Variants in KCNV1 observed in about 807,000 individuals in gnomAD.
The protein encoded by KCNV1 is potassium voltage-gated channel subfamily V member 1.
In KCNV1, 2 loss-of-function variants were observed where a neutral mutation model predicts 36.4. That is an observed-to-expected ratio of 0.05 (90% CI 0.02 to 0.17). The LOEUF (loss-of-function observed/expected upper bound fraction) is 0.17. KCNV1 is among the 10% of genes least tolerant of loss of function. The probability of loss-of-function intolerance (pLI) is 1.00; values close to 1 mark genes in which losing one functional copy is unlikely to be tolerated. For synonymous variants in KCNV1, 280 were observed against 261.1 expected (o/e 1.07, Z -0.70); for missense variants, 321 against 643.6 (o/e 0.50, Z 5.42).
rs1170391179 is a variant in KCNV1 at position 109,974,540 on chromosome 8, C to CCTCCTGCCGCTAGGGAGCCGGGCA, written c.-153_-152insTGCCCGGCTCCCTAGCGGCAGGAG. ...ACCTCTCCTTGGCGCACCCTCTCCA[C>CCTCCTGCCGCTAGGGAGCCGGGCA]CCGCTGTGCGCCTTCCTCCTCCTGC... On this transcript the variant is annotated 5_prime_UTR_variant, in exon 2 of 4. Coordinates refer to ENST00000524391, the MANE Select transcript of KCNV1 (RefSeq NM_014379.4). The surrounding 1 kb of genome is among the most constrained non-coding windows in gnomAD (Gnocchi z 6.2). 11 of 613,162 alleles carry CCTCCTGCCGCTAGGGAGCCGGGCA rather than the reference C, an allele frequency of 1.8e-5. No individual in the cohort carries two copies. In the African/African-American group the frequency reaches 1.8e-4, roughly 10 times the overall value. 38.0% of individuals were successfully genotyped at this position (613,162 alleles called of 1,614,324 possible).
chr8:109,972,112 A>G lies in KCNV1; in HGVS notation c.991+146T>C, dbSNP rs763413323. 2.3e-5 allele frequency: 18 copies of G among 794,936 alleles called. No individual in the cohort carries two copies. In the South Asian group the frequency reaches 2.5e-4, roughly 11 times the overall value. The allele number at this position is 794,936 out of a possible 1,614,324, so 49.2% of individuals were successfully genotyped here. On this transcript the variant is annotated intron_variant, in intron 3 of 3. Coordinates refer to ENST00000524391, the MANE Select transcript of KCNV1 (RefSeq NM_014379.4). This position sits in a 1 kb window ranked among gnomAD's most constrained non-coding sequence, Gnocchi z 5.2. ...AGCAACTTCAATGTTTTGCCTCCCA[A>G]TATCTCCTTAGAGGTCATGATCAGG...
intron 3 of KCNV1, among the ~76,000 whole-genome samples, chr8:109,970,988 A>T (rs1057261998): frequency 6.6e-6 from 1 of 152,222 alleles, no homozygotes; most frequent in Non-Finnish European, 1.5e-5. Flanking sequence ...AAATTATATT[A>T]TAATAAGTTC....
rs1587137420 is a variant in KCNV1, at chr8:109,972,737, G to A, written c.512C>T (p.Thr171Ile). 2 of 1,613,704 alleles carry A rather than the reference G, an allele frequency of 1.2e-6. No individual in the cohort carries two copies. Among genetic ancestry groups the A allele is most frequent in the Non-Finnish European group, 1.7e-6 (2 of 1,179,876 alleles). The change falls in exon 3 of 4, where the codon ACA (threonine) becomes ATA (isoleucine). Residue 171 changes from threonine to isoleucine, a missense_variant. Transcript: ENST00000524391. The surrounding 1 kb of genome is among the most constrained non-coding windows in gnomAD (Gnocchi z 5.2). ...CTCATGTTGACTTTCCTGGTCTTCT[G>A]TGTCCTTCTTGAAGTCTAAAGTTTC... The part of the protein sequence containing the change: ...LSETLDFKKD[T>I]EDQESQHESE...
chr8:109,975,382 G>A (rs750085276), intron 1 of KCNV1, among the ~76,000 whole-genome samples, 190 bp from the exon 2 acceptor site: 1 of 152,140 alleles, frequency 6.6e-6, no homozygotes, highest in Admixed American at 6.5e-5. Context: ...GGTGTTCTGA[G>A]CACAGCGGAG....
chr8:109,964,709 G>C lies in KCNV1; in HGVS notation c.*3379C>G, dbSNP rs1819925213. ...ATTTGCAGGGACATGGATGGAGCTG[G>C]AGGCTATTATCCTTAGCAAACTAAT... On this transcript the variant is annotated 3_prime_UTR_variant, in exon 4 of 4. Coordinates refer to ENST00000524391, the MANE Select transcript of KCNV1 (RefSeq NM_014379.4). 6.6e-6 allele frequency: 1 copy of C among 152,166 alleles called. No individual in the cohort carries two copies. Among genetic ancestry groups the C allele is most frequent in the South Asian group, 2.1e-4 (1 of 4,824 alleles). 9.4% of individuals were successfully genotyped at this position (152,166 alleles called of 1,614,324 possible). A position where few individuals can be genotyped will look rare whatever the true frequency, so the allele number is the denominator to read the frequency against.
At position 109,967,300 on chromosome 8, in the gene KCNV1, A is replaced by T. The variant is rs1356070066; in HGVS notation, c.*788T>A. 6.6e-6 allele frequency: 1 copy of T among 152,256 alleles called. No homozygotes were observed. Among genetic ancestry groups the T allele is most frequent in the Middle Eastern group, 3.4e-3 (1 of 294 alleles). 9.4% of individuals were successfully genotyped at this position (152,256 alleles called of 1,614,324 possible). A position where few individuals can be genotyped will look rare whatever the true frequency, so the allele number is the denominator to read the frequency against. ...TCATTATTTTAAAGCCATAATGTGA[A>T]CAATACATCCATAAAGAGACATTTA... On this transcript the variant is annotated 3_prime_UTR_variant, in exon 4 of 4. Transcript: ENST00000524391.
In KCNV1 at chr8:109,966,444, A is replaced by G. The variant is rs570769066; in HGVS notation, c.*1644T>C. 2.0e-5 allele frequency: 3 copies of G among 152,354 alleles called. No homozygotes were observed. The highest frequency in any genetic ancestry group is 7.2e-5 in the African/African-American group (3 of 41,584). The allele number at this position is 152,354 out of a possible 1,614,324, so 9.4% of individuals were successfully genotyped here. A position where few individuals can be genotyped will look rare whatever the true frequency, so the allele number is the denominator to read the frequency against. ...GAAGTGGAAACAAGTTAAATGAATT[A>G]AAGTACTTTAGCACACAATCTAAAA... On this transcript the variant is annotated 3_prime_UTR_variant, in exon 4 of 4. Transcript: ENST00000524391.
rs1324390636 is a variant in KCNV1, at chr8:109,974,376, C to T, written c.13G>A (p.Gly5Ser). MPSS[G>S]RALLDSPLDS... ...AGCGGCGAGTCCAGCAGCGCTCTGC[C>T]GCTGGAAGGCATCTCTAACCCAGTC... The change falls in exon 2 of 4, where the codon GGC becomes AGC. Residue 5 changes from glycine to serine, a missense_variant. Gly to Ser is a moderately conservative substitution (Grantham distance 56, BLOSUM62 0). Around this residue, in one of 5 missense-constraint regions of KCNV1, gnomAD observed 39 missense variants for 50.8 expected, o/e 0.77. Coordinates refer to ENST00000524391, the MANE Select transcript of KCNV1 (RefSeq NM_014379.4). The surrounding 1 kb of genome is among the most constrained non-coding windows in gnomAD (Gnocchi z 6.2). 2.0e-6 allele frequency: 3 copies of T among 1,497,150 alleles called. No individual in the cohort carries two copies. Among genetic ancestry groups the T allele is most frequent in the Non-Finnish European group, 2.7e-6 (3 of 1,129,432 alleles). 92.7% of individuals were successfully genotyped at this position (1,497,150 alleles called of 1,614,324 possible). A position where few individuals can be genotyped will look rare whatever the true frequency, so the allele number is the denominator to read the frequency against.
intron 2 of KCNV1, 108 bp downstream of exon 2, chr8:109,973,820 G>T: frequency 2.2e-6 from 1 of 460,766 alleles, no homozygotes; most frequent in Non-Finnish European, 3.4e-6. Flanking sequence ...CTTATTGCTA[G>T]GCCTGGCTCC....
Position 109,974,606 on chromosome 8 carries a change from G to A in KCNV1, c.-218C>T, listed in dbSNP as rs1820058054. 2 of 582,732 alleles carry A rather than the reference G, an allele frequency of 3.4e-6. No homozygotes were observed. 36.1% of individuals were successfully genotyped at this position (582,732 alleles called of 1,614,324 possible). A position where few individuals can be genotyped will look rare whatever the true frequency, so the allele number is the denominator to read the frequency against. ...AGTGCGCGGAAGCAGCGCACAAGTG[G>A]CAGAAAGAGGAGACAGGGAGCAGAG... is the stretch of plus-strand genomic sequence containing the variant. On this transcript the variant is annotated 5_prime_UTR_variant, in exon 2 of 4. Coordinates refer to ENST00000524391, the MANE Select transcript of KCNV1 (RefSeq NM_014379.4). This position sits in a 1 kb window ranked among gnomAD's most constrained non-coding sequence, Gnocchi z 6.2.
chr8:109,974,568 C>T lies in KCNV1; in HGVS notation c.-180G>A. On this transcript the variant is annotated 5_prime_UTR_variant, in exon 2 of 4. Transcript: ENST00000524391. The surrounding 1 kb of genome is among the most constrained non-coding windows in gnomAD (Gnocchi z 6.2). ...GCTGTGCGCCTTCCTCCTCCTGCCG[C>T]TAGGGAGCCGGGAGTGCGCGGAAGC... The T allele has an allele frequency of 1.7e-6, 1 of 594,936 alleles. No individual in the cohort carries two copies. Among genetic ancestry groups the T allele is most frequent in the Non-Finnish European group, 3.0e-6 (1 of 337,428 alleles). The allele number at this position is 594,936 out of a possible 1,614,324, so 36.9% of individuals were successfully genotyped here. A position where few individuals can be genotyped will look rare whatever the true frequency, so the allele number is the denominator to read the frequency against.
chr8:109,970,490 G>A (rs1253322836), intron 3 of KCNV1, among the ~76,000 whole-genome samples: 2 of 152,164 alleles, frequency 1.3e-5, no homozygotes, highest in Non-Finnish European at 2.9e-5. Context: ...CGAGGAGGCT[G>A]AGGCATAAAG....
In KCNV1 at chr8:109,972,456, G is replaced by T; in HGVS notation, c.793C>A (p.Arg265=). ...GEFVLRFLCV[R]DRCRFLRKVP... is the part of the protein sequence containing the mutation. ...TTTCTTAGGAAGCGACACCTGTCCCGCACACACAGGAAGCGGAGGACAAAC... is the reference window on the plus strand; with the variant it reads ...TTTCTTAGGAAGCGACACCTGTCCCTCACACACAGGAAGCGGAGGACAAAC... Residue 265 remains arginine, a synonymous_variant, in exon 3 of 4, where the codon CGG becomes AGG. Coordinates refer to ENST00000524391, the MANE Select transcript of KCNV1 (RefSeq NM_014379.4). This position sits in a 1 kb window ranked among gnomAD's most constrained non-coding sequence, Gnocchi z 5.2. The T allele has an allele frequency of 6.2e-7, 1 of 1,614,100 alleles. No homozygotes were observed. Among genetic ancestry groups the T allele is most frequent in the Admixed American group, 1.7e-5 (1 of 60,016 alleles).
rs764808774 is a variant in KCNV1, at chr8:109,973,913, G to A, written c.461+15C>T. The A allele has an allele frequency of 1.3e-6, 2 of 1,565,024 alleles. No homozygotes were observed. Among genetic ancestry groups the A allele is most frequent in the Admixed American group, 3.6e-5 (2 of 55,128 alleles). On this transcript the variant is annotated intron_variant, in intron 2 of 3. Transcript: ENST00000524391. ...GCCCGCCTCCCCGCCCAGCCGCCGC[G>A]TGCCTCCGGGGTACCTGTCCCTGCA...
At position 109,968,723 on chromosome 8, in the gene KCNV1, A is replaced by G; in HGVS notation, c.992-124T>C. 1 of 928,622 alleles carries G rather than the reference A, an allele frequency of 1.1e-6. No individual in the cohort carries two copies. The highest frequency in any genetic ancestry group is 1.6e-6 in the Non-Finnish European group (1 of 632,030). The allele number at this position is 928,622 out of a possible 1,614,324, so 57.5% of individuals were successfully genotyped here. A position where few individuals can be genotyped will look rare whatever the true frequency, so the allele number is the denominator to read the frequency against. On this transcript the variant is annotated intron_variant, in intron 3 of 3. Transcript: ENST00000524391. This position sits in a 1 kb window ranked among gnomAD's most constrained non-coding sequence, Gnocchi z 5.3. ...CACTGCACACTTAAATGTCCCCAGC[A>G]CTGGGCAATGTTCTGGGGATACAAA...
At chr8:109,970,373 G>A (rs1337574173) in intron 3 of KCNV1, among the ~76,000 whole-genome samples, 1 of 152,120 alleles carries the variant, frequency 6.6e-6, no homozygotes, top group African/African-American at 2.4e-5. Context: ...TTTTGTAAAG[G>A]AAAACAAAGT....
Position 109,972,864 on chromosome 8 carries a change from G to A in KCNV1, c.462-77C>T. ...GTATAAGATAATTAAACATGGCAGG[G>A]AGGTCAGACTTTTTCATTCAACAAA... On this transcript the variant is annotated intron_variant, in intron 2 of 3. Transcript: ENST00000524391. The surrounding 1 kb of genome is among the most constrained non-coding windows in gnomAD (Gnocchi z 5.2). The A allele has an allele frequency of 8.4e-7, 1 of 1,188,922 alleles. No homozygotes were observed. Among genetic ancestry groups the A allele is most frequent in the Non-Finnish European group, 1.2e-6 (1 of 852,480 alleles). The allele number at this position is 1,188,922 out of a possible 1,614,324, so 73.6% of individuals were successfully genotyped here.
At chr8:109,973,190 AG>A (rs1264204134) in intron 2 of KCNV1, among the ~76,000 whole-genome samples, 1 of 151,912 alleles carries the variant, frequency 6.6e-6, no homozygotes, top group East Asian at 1.9e-4. Context: ...CATGTTGTCC[AG>A]GGGGGGTCTC....
chr8:109,969,095 T>C (rs1819978790), intron 3 of KCNV1, among the ~76,000 whole-genome samples: 1 of 152,136 alleles, frequency 6.6e-6, no homozygotes, highest in Admixed American at 6.5e-5. Context: ...CCTTGTAAAG[T>C]TTAAGACAAT....
Sources: allele counts gnomAD v4.1 joint callset (sites outside exome capture counted in the v4.1 genomes callset), GRCh38; gene constraint gnomAD v4.1.1; regional missense constraint gnomAD v4.1.1; non-coding constraint Gnocchi (gnomAD v3.1); transcripts MANE v1.5; gene names NCBI Gene and HGNC (gene_info 2026-07-23, HGNC 2026-07-21).